The following TET2 variants were observed in gnomAD, a reference collection of about 807,000 sequenced individuals.
TET2 encodes the protein methylcytosine dioxygenase TET2.
TET2 carries 299 observed loss-of-function variants against 142.9 expected under a neutral mutation model. The ratio of observed to expected loss-of-function variants is 2.09; its 90% CI spans 1.90 to 2.30. The LOEUF is 2.30. TET2 is among the 30% of genes most tolerant of loss of function. The pLI is 0.00. For missense variants in TET2, 2,418 were observed against 2,378.0 expected (o/e 1.02, Z -0.35); for synonymous variants, 819 against 849.0 (o/e 0.96, Z 0.61).
At chr4:105,167,441 TGTA>T (rs146066354) in intron 1 of TET2, among the ~76,000 whole-genome samples, 2,060 of 152,092 alleles carry the variant, frequency 0.014, 44 homozygotes, top group African/African-American at 0.046. Flanking sequence ...TATATGTACA[TGTA>T]GTATATGTGT....
intron 9 of TET2, among the ~76,000 whole-genome samples, chr4:105,272,162 C>T (rs1304201159): frequency 1.3e-5 from 2 of 152,098 alleles, no homozygotes; most frequent in African/African-American, 4.8e-5. Flanking sequence ...GAAGTCATTT[C>T]GTAGAAAAAA....
At chr4:105,275,008 C>G (rs2110310847) in intron 10 of TET2, 40 bp from the exon 11 acceptor site, 1 of 1,464,296 alleles carries the variant, frequency 6.8e-7, no homozygotes, top group Admixed American at 2.8e-5. Flanking sequence ...TCATCAACAT[C>G]AAAGATACCT....
At chr4:105,186,105 C>T (rs574312905) in intron 1 of TET2, among the ~76,000 whole-genome samples, 253 of 152,156 alleles carry the variant, frequency 1.7e-3, no homozygotes, top group African/African-American at 5.9e-3. Flanking sequence ...TGGTACATGC[C>T]TGTAGTCCTA....
intron 6 of TET2, among the ~76,000 whole-genome samples, chr4:105,244,298 A>T (rs954813328): frequency 1.3e-5 from 2 of 152,244 alleles, no homozygotes; most frequent in Admixed American, 6.5e-5. Context: ...CACAATAGTA[A>T]TCAAAACTGC....
At chr4:105,196,550 C>G (rs1726106777) in intron 2 of TET2, among the ~76,000 whole-genome samples, 2 of 152,130 alleles carry the variant, frequency 1.3e-5, no homozygotes, top group Admixed American at 1.3e-4. Context: ...CTTCAAATTC[C>G]TCCTTACTAT....
In TET2 at chr4:105,277,150, AT is replaced by A; in HGVS notation, c.*634del. The A allele has an allele frequency of 4.3e-6, 1 of 231,118 alleles. No homozygotes were observed. Among genetic ancestry groups the A allele is most frequent in the Non-Finnish European group, 8.6e-6 (1 of 116,706 alleles). 14.3% of individuals were successfully genotyped at this position (231,118 alleles called of 1,614,324 possible). A position where few individuals can be genotyped will look rare whatever the true frequency, so the allele number is the denominator to read the frequency against. On this transcript the variant is annotated 3_prime_UTR_variant, in exon 11 of 11. Transcript: ENST00000380013. ...AAAATGGTGTCTTTAATAGCTAAAA[AT>A]TTAATGCCTTTATATCATCAAGATG...
At chr4:105,201,925 T>C (rs1726503277) in intron 2 of TET2, among the ~76,000 whole-genome samples, 1 of 151,754 alleles carries the variant, frequency 6.6e-6, no homozygotes, top group South Asian at 2.1e-4. Flanking sequence ...GTATTTTTTG[T>C]AGAGACAGGG....
At chr4:105,190,132 A>G (rs746365286) in intron 1 of TET2, among the ~76,000 whole-genome samples, 1 of 152,228 alleles carries the variant, frequency 6.6e-6, no homozygotes, top group Non-Finnish European at 1.5e-5. Context: ...TGTGAAGACT[A>G]AAGATGCTTT....
chr4:105,237,662 A>G (rs1729037533), intron 3 of TET2: 10 of 1,381,614 alleles, frequency 7.2e-6, no homozygotes, highest in Non-Finnish European at 9.4e-6. Context: ...CTCTTTGTAT[A>G]TTATCTCCTG....
chr4:105,203,415 A>G (rs989739867), intron 2 of TET2, among the ~76,000 whole-genome samples: 5 of 152,260 alleles, frequency 3.3e-5, no homozygotes, highest in Admixed American at 1.3e-4. Flanking sequence ...TGTTCTAAAC[A>G]GTACTGTAAT....
rs1395491809 is a variant in TET2 at position 105,234,693 on chromosome 4, G to A, written c.751G>A (p.Ala251Thr). ...GCAGAAAACCACATCTCACATAAAT[G>A]CCATTAACAGTCAGGCTACTAATGA... ...AVQKTTSHIN[A>T]INSQATNELS... The change falls in exon 3 of 11, where the codon GCC becomes ACC. Residue 251 changes from alanine (A) to threonine (T), a missense_variant. By Grantham distance (58) the Ala-to-Thr change is moderately conservative (BLOSUM62 0). Coordinates refer to ENST00000380013, the MANE Select transcript of TET2 (RefSeq NM_001127208.3). 6.2e-7 allele frequency: 1 copy of A among 1,614,008 alleles called. No homozygotes were observed. The highest frequency in any genetic ancestry group is 8.5e-7 in the Non-Finnish European group (1 of 1,180,012).
At chr4:105,233,759 A>G (rs1728649198) in intron 2 of TET2, 138 bp from the exon 3 acceptor site, 1 of 541,840 alleles carries the variant, frequency 1.8e-6, no homozygotes, top group Non-Finnish European at 3.1e-6. Flanking sequence ...AAACATGAAA[A>G]TAAATATCAG....
At chr4:105,204,369 A>G (rs1303236312) in intron 2 of TET2, among the ~76,000 whole-genome samples, 3 of 152,066 alleles carry the variant, frequency 2.0e-5, no homozygotes, top group Non-Finnish European at 4.4e-5. Context: ...AGTGCATATG[A>G]GGTACTTAAT....
chr4:105,242,914 C>T lies in TET2; in HGVS notation c.3581C>T (p.Pro1194Leu). The T allele has an allele frequency of 6.4e-7, 1 of 1,551,134 alleles. No individual in the cohort carries two copies. The highest frequency in any genetic ancestry group is 8.7e-7 in the Non-Finnish European group (1 of 1,146,676). Residue 1194 changes from proline to leucine, a missense_variant, in exon 5 of 11, where the codon CCT becomes CTT. Pro to Leu is a moderately conservative substitution (Grantham distance 98). Coordinates refer to ENST00000380013, the MANE Select transcript of TET2 (RefSeq NM_001127208.3). ...GAAGGCAAAAGTTCTCAGGGATGTC[C>T]TATTGCTAAGTGGGTAAGTGTGACT... ...GKEGKSSQGC[P>L]IAKWVVRRSS... is the part of the protein sequence containing the mutation.
intron 2 of TET2, among the ~76,000 whole-genome samples, chr4:105,233,474 A>G (rs1728633058): frequency 6.6e-6 from 1 of 151,752 alleles, no homozygotes; most frequent in Non-Finnish European, 1.5e-5. Context: ...AGTCAAGATG[A>G]TTAAAGGAAT....
At position 105,234,514 on chromosome 4, in the gene TET2, A is replaced by C; in HGVS notation, c.572A>C (p.Asn191Thr). ...ILNEQEGKSA[N>T]YHDKNIVLLK... ...AATGAGCAGGAGGGGAAAAGTGCTA[A>C]TTACCATGACAAGAACATTGTATTA... The change falls in exon 3 of 11, where the codon AAT (asparagine) becomes ACT (threonine). Residue 191 changes from asparagine (N) to threonine (T), a missense_variant. Physicochemically the swap from Asn to Thr is moderately conservative, Grantham distance 65. Transcript: ENST00000380013. The C allele has an allele frequency of 6.2e-7, 1 of 1,614,130 alleles. No homozygotes were observed. Among genetic ancestry groups the C allele is most frequent in the Non-Finnish European group, 8.5e-7 (1 of 1,180,002 alleles).
chr4:105,242,975 G>T lies in TET2; in HGVS notation c.3594+48G>T. Reference sequence around the variant, plus strand: ...TTTGGTCTTAAATCTTGGGCATTTTGATTTGTAAATCTGACCCTGAGAATT... The same window carrying T: ...TTTGGTCTTAAATCTTGGGCATTTTTATTTGTAAATCTGACCCTGAGAATT... On this transcript the variant is annotated intron_variant, in intron 5 of 10. Transcript: ENST00000380013. 4 of 1,470,334 alleles carry T rather than the reference G, an allele frequency of 2.7e-6. No individual in the cohort carries two copies. In the South Asian group the frequency reaches 4.9e-5, roughly 18 times the overall value. 91.1% of individuals were successfully genotyped at this position (1,470,334 alleles called of 1,614,324 possible).
chr4:105,167,669 CAGTGACTGTGCT>C (rs1467996427), intron 1 of TET2, among the ~76,000 whole-genome samples: 1 of 152,176 alleles, frequency 6.6e-6, no homozygotes, highest in Non-Finnish European at 1.5e-5. Flanking sequence ...CAGGCATAGT[CAGTGACTGTGCT>C]AATAGTCCTA....
intron 2 of TET2, among the ~76,000 whole-genome samples, chr4:105,221,253 A>G (rs2110583848): frequency 6.6e-6 from 1 of 152,280 alleles, no homozygotes; most frequent in East Asian, 1.9e-4. Flanking sequence ...ATAAGTGGAT[A>G]ATAGAGAATT....
Sources: allele counts gnomAD v4.1 joint callset (sites outside exome capture counted in the v4.1 genomes callset), GRCh38; gene constraint gnomAD v4.1.1; transcripts MANE v1.5; gene names NCBI Gene and HGNC (gene_info 2026-07-23, HGNC 2026-07-21).